The following DNAH7 variants were observed in gnomAD, a reference collection of about 807,000 sequenced individuals.
The protein encoded by DNAH7 is dynein axonemal heavy chain 7.
In DNAH7, 397 loss-of-function variants were observed where a neutral mutation model predicts 444.6. The ratio of observed to expected loss-of-function variants is 0.89; its 90% confidence interval spans 0.82 to 0.97. The LOEUF (loss-of-function observed/expected upper bound fraction) is 0.97, where lower values mean the gene tolerates loss of function less well. Ranked by LOEUF, DNAH7 falls within the 50% of genes least tolerant of loss-of-function variation. DNAH7 has a pLI of 0.00. For missense variants in DNAH7, 4,902 were observed against 4,800.8 expected (o/e 1.02, Z -0.62); for synonymous variants, 1,636 against 1,624.4 (o/e 1.01, Z -0.17).
At chr2:195,989,014 C>T (rs770410099) in intron 12 of DNAH7, among the ~76,000 whole-genome samples, 21 of 151,838 alleles carry the variant, frequency 1.4e-4, no homozygotes, top group Non-Finnish European at 2.7e-4. Context: ...AATGACAGGA[C>T]TTCCTTCTTT....
chr2:195,861,186 T>C (rs1699993982), intron 42 of DNAH7, among the ~76,000 whole-genome samples: 1 of 152,182 alleles, frequency 6.6e-6, no homozygotes, highest in Non-Finnish European at 1.5e-5. Context: ...GTAATATACA[T>C]ACTGAATTTT....
intron 51 of DNAH7, among the ~76,000 whole-genome samples, chr2:195,816,267 A>C (rs1388007797): frequency 6.6e-6 from 1 of 152,208 alleles, no homozygotes; most frequent in African/African-American, 2.4e-5. Context: ...TAAACTGTGA[A>C]TTTGCAACTT....
intron 9 of DNAH7, 90 bp downstream of exon 9, chr2:196,019,080 G>T: frequency 8.2e-7 from 1 of 1,226,200 alleles, no homozygotes; most frequent in Non-Finnish European, 1.1e-6. Flanking sequence ...GTTTTACTTT[G>T]CAGTTAAAAT....
At chr2:195,912,967 T>C (rs1309437865) in intron 24 of DNAH7, among the ~76,000 whole-genome samples, 1 of 152,202 alleles carries the variant, frequency 6.6e-6, no homozygotes, top group Non-Finnish European at 1.5e-5. Flanking sequence ...TGATTAGCTG[T>C]AAGTGGACTT....
intron 12 of DNAH7, among the ~76,000 whole-genome samples, chr2:195,989,607 T>C (rs1288186842): frequency 2.0e-5 from 3 of 152,202 alleles, no homozygotes; most frequent in Non-Finnish European, 4.4e-5. Context: ...ATAGTTTGAA[T>C]ATATGTCCCT....
rs747856873 is a variant in DNAH7 at position 195,923,804 on chromosome 2, G to GCTCAAA, written c.3615_3616insTTTGAG (p.Ala1205_Leu1206insPheGlu). The GCTCAAA allele has an allele frequency of 6.2e-7, 1 of 1,613,490 alleles. No individual in the cohort carries two copies. The highest frequency in any genetic ancestry group is 1.1e-5 in the South Asian group (1 of 90,990). ...TTACATGTTTTCAAGTATTGCTCAA[G>GCTCAAA]AGCCTGAAAGAAAAGAAAATAAGAT... On this transcript the variant is annotated inframe_insertion, in exon 23 of 65. Transcript: ENST00000312428.
chr2:195,990,135 C>CA (rs1421970869), intron 12 of DNAH7, among the ~76,000 whole-genome samples: 3 of 152,030 alleles, frequency 2.0e-5, no homozygotes, highest in Admixed American at 2.0e-4. Flanking sequence ...AGGTCTTATC[C>CA]AAAAAATCCT....
chr2:195,799,366 G>A lies in DNAH7; in HGVS notation c.10283C>T (p.Ala3428Val), dbSNP rs762063638. The part of the protein sequence containing the change: ...AKAFGDSNCC[A>V]PLIFVLSPGA... ...AGGAGAGAGCACGAAAATCAGTGGT[G>A]CACAGCAGTTACTGTCTCCAAATGC... Residue 3428 changes from alanine to valine, a missense_variant, in exon 55 of 65, where the codon GCA (alanine) becomes GTA (valine). Coordinates refer to ENST00000312428, the MANE Select transcript of DNAH7 (RefSeq NM_018897.3). 8 of 1,612,318 alleles carry A rather than the reference G, an allele frequency of 5.0e-6. No individual in the cohort carries two copies. In the East Asian group the frequency reaches 6.7e-5, roughly 14 times the overall value.
At chr2:195,982,934 T>A (rs1027108076) in intron 15 of DNAH7, among the ~76,000 whole-genome samples, 3 of 152,180 alleles carry the variant, frequency 2.0e-5, no homozygotes, top group African/African-American at 7.2e-5. Flanking sequence ...ACAAGATGAC[T>A]ATATCAATAA....
At chr2:195,831,091 T>C (rs1698045004) in intron 48 of DNAH7, among the ~76,000 whole-genome samples, 1 of 152,196 alleles carries the variant, frequency 6.6e-6, no homozygotes. Flanking sequence ...TGATAAATTC[T>C]GCTGTTGATA....
intron 61 of DNAH7, among the ~76,000 whole-genome samples, chr2:195,760,962 C>A (rs1198968176): frequency 6.6e-6 from 1 of 151,700 alleles, no homozygotes; most frequent in East Asian, 1.9e-4. Flanking sequence ...AAAATAAGAC[C>A]ATTCATAAAA....
chr2:195,947,871 T>A (rs2125462968), intron 19 of DNAH7, among the ~76,000 whole-genome samples: 1 of 152,332 alleles, frequency 6.6e-6, no homozygotes, highest in East Asian at 1.9e-4. Context: ...ATCACCACAC[T>A]GTCTTCCACA....
At chr2:195,776,837 T>C (rs1459352723) in intron 59 of DNAH7, among the ~76,000 whole-genome samples, 2 of 152,144 alleles carry the variant, frequency 1.3e-5, no homozygotes, top group African/African-American at 4.8e-5. Context: ...TAGAATCATA[T>C]ACAAACATCC....
chr2:195,830,115 G>C (rs1697989650), intron 48 of DNAH7, among the ~76,000 whole-genome samples: 1 of 152,082 alleles, frequency 6.6e-6, no homozygotes, highest in South Asian at 2.1e-4. Context: ...AAATTCAAGA[G>C]ACAGACTTCT....
In DNAH7 at chr2:195,864,797, G is replaced by A. The variant is rs771896188; in HGVS notation, c.6858C>T (p.Ile2286=). 31 of 1,614,126 alleles carry A rather than the reference G, an allele frequency of 1.9e-5. No homozygotes were observed. Among genetic ancestry groups the A allele is most frequent in the Admixed American group, 3.3e-5 (2 of 60,024 alleles). The stretch of plus-strand genomic sequence containing the variant: ...TCATTCGAAGATTATCCACATCTGC[G>A]ATTTCTCTGTAGTTGGTATCCTCCC... ...PKREDTNYRE[I]ADVDNLRMIV... The change falls in exon 41 of 65, where the codon ATC becomes ATT. Residue 2286 remains isoleucine (I), a synonymous_variant. Coordinates refer to ENST00000312428, the MANE Select transcript of DNAH7 (RefSeq NM_018897.3).
chr2:196,002,467 A>G (rs1001066324), intron 10 of DNAH7, among the ~76,000 whole-genome samples: 3 of 152,212 alleles, frequency 2.0e-5, no homozygotes, highest in Non-Finnish European at 2.9e-5. Context: ...ATATATAGGT[A>G]CATAATGATG....
In DNAH7 at chr2:195,836,658, T is replaced by C. The variant is rs549786937; in HGVS notation, c.8946-2298A>G. ...TAACATCTTAGATGCAATTAACTAATGAAAAATCACTCTAAAGAGAGTGAG... is the reference window on the plus strand; with the variant it reads ...TAACATCTTAGATGCAATTAACTAACGAAAAATCACTCTAAAGAGAGTGAG... On this transcript the variant is annotated intron_variant, in intron 47 of 64. Coordinates refer to ENST00000312428, the MANE Select transcript of DNAH7 (RefSeq NM_018897.3). Among the ~76,000 whole-genome samples the C allele has an allele frequency of 3.3e-5, 5 of 151,910 alleles. No individual in the cohort carries two copies. The South Asian group carries it at 8.3e-4, about 25-fold the overall frequency.
intron 19 of DNAH7, among the ~76,000 whole-genome samples, chr2:195,942,381 G>A (rs1408361054): frequency 6.6e-6 from 1 of 151,280 alleles, no homozygotes; most frequent in Non-Finnish European, 1.5e-5. Context: ...GAAGGAGAAG[G>A]AGAAGAGGAA....
At chr2:195,934,496 T>G in intron 21 of DNAH7, 95 bp downstream of exon 21, 1 of 1,315,218 alleles carries the variant, frequency 7.6e-7, no homozygotes, top group South Asian at 1.3e-5. Flanking sequence ...TGCCTCCATT[T>G]CTGTTTAAAT....
Sources: gnomAD v4.1 joint callset for allele counts (sites outside exome capture counted in the v4.1 genomes callset) on GRCh38, gnomAD v4.1.1 for gene constraint, MANE v1.5 for transcripts, NCBI Gene and HGNC (gene_info 2026-07-23, HGNC 2026-07-21) for gene names.